Variants in MGAT4A observed in about 807,000 individuals in gnomAD.
The protein encoded by MGAT4A is N-acetylglucosaminyltransferase IVa.
MGAT4A carries 33 observed loss-of-function variants against 74.1 expected under a neutral mutation model. The ratio of observed to expected loss-of-function variants is 0.45; its 90% CI spans 0.34 to 0.60. The LOEUF (loss-of-function observed/expected upper bound fraction) is 0.60. Among genes scored for constraint, MGAT4A ranks in the 20% least tolerant of loss-of-function variants. MGAT4A has a pLI of 0.02. For missense variants in MGAT4A, 479 were observed against 628.3 expected, an observed-to-expected ratio of 0.76 and a Z score of 2.54; for synonymous variants, 198 against 210.4, an observed-to-expected ratio of 0.94 and a Z score of 0.51.
At chr2:98,696,623 T>A (rs1702278943) in intron 2 of MGAT4A, among the ~76,000 whole-genome samples, 1 of 152,236 alleles carries the variant, frequency 6.6e-6, no homozygotes, top group Non-Finnish European at 1.5e-5. Context: ...TCTAAAAGTT[T>A]AGTCCTTTTC....
chr2:98,649,040 CA>C (rs1701537374), intron 8 of MGAT4A, among the ~76,000 whole-genome samples: 1 of 152,058 alleles, frequency 6.6e-6, no homozygotes, highest in Non-Finnish European at 1.5e-5. Context: ...CTCTGAAAAA[CA>C]AAAGAATGTT....
At chr2:98,645,682 T>C (rs941133097) in intron 8 of MGAT4A, 140 bp from the exon 9 acceptor site, 2 of 690,036 alleles carry the variant, frequency 2.9e-6, no homozygotes, top group Non-Finnish European at 4.3e-6. Flanking sequence ...AATATAAAGC[T>C]AGATATTATT....
At chr2:98,700,645 C>T (rs1010621952) in intron 2 of MGAT4A, among the ~76,000 whole-genome samples, 3 of 152,112 alleles carry the variant, frequency 2.0e-5, no homozygotes, top group African/African-American at 7.2e-5. Flanking sequence ...AATCCCAGCA[C>T]TTTGGAAGGC....
At chr2:98,662,088 G>A (rs1353701084) in intron 5 of MGAT4A, among the ~76,000 whole-genome samples, 3 of 152,170 alleles carry the variant, frequency 2.0e-5, no homozygotes, top group African/African-American at 7.2e-5. Context: ...AGTGCATGCT[G>A]GAACAGAAAG....
chr2:98,712,150 C>T (rs1244766194), intron 2 of MGAT4A, among the ~76,000 whole-genome samples: 1 of 152,180 alleles, frequency 6.6e-6, no homozygotes, highest in East Asian at 1.9e-4. Context: ...TACACGTGCC[C>T]ACTCCTTGGT....
At chr2:98,691,785 G>A (rs2104303180) in intron 2 of MGAT4A, among the ~76,000 whole-genome samples, 1 of 152,298 alleles carries the variant, frequency 6.6e-6, no homozygotes, top group East Asian at 1.9e-4. Context: ...CATGGGAGAT[G>A]ACAGCTTCAT....
intron 10 of MGAT4A, among the ~76,000 whole-genome samples, chr2:98,642,158 GAGAA>G (rs1211817140): frequency 6.6e-6 from 1 of 152,148 alleles, no homozygotes; most frequent in African/African-American, 2.4e-5. Flanking sequence ...CAAGTGGAAG[GAGAA>G]AGAAAGGGAG....
At chr2:98,665,654 G>A (rs1701819201) in intron 4 of MGAT4A, among the ~76,000 whole-genome samples, 1 of 152,246 alleles carries the variant, frequency 6.6e-6, no homozygotes, top group Non-Finnish European at 1.5e-5. Flanking sequence ...CTCATGGAAC[G>A]CACATTCTAG....
intron 5 of MGAT4A, among the ~76,000 whole-genome samples, chr2:98,660,406 A>ACG (rs1350106095): frequency 7.4e-5 from 10 of 134,814 alleles, no homozygotes; most frequent in South Asian, 4.6e-4. Flanking sequence ...ACACACACAC[A>ACG]CACACGCACG....
intron 8 of MGAT4A, among the ~76,000 whole-genome samples, chr2:98,652,439 T>A (rs1215676399): frequency 1.5e-4 from 22 of 150,682 alleles, no homozygotes; most frequent in Admixed American, 1.5e-3. Context: ...CACGCCATTC[T>A]CCTGCCTCAG....
chr2:98,719,944 G>C (rs1702643920), intron 2 of MGAT4A, among the ~76,000 whole-genome samples: 1 of 152,132 alleles, frequency 6.6e-6, no homozygotes, highest in African/African-American at 2.4e-5. Context: ...ACCATGCCCA[G>C]CCAGGATTTA....
intron 12 of MGAT4A, among the ~76,000 whole-genome samples, chr2:98,637,865 A>C (rs1002828810): frequency 6.6e-6 from 1 of 152,202 alleles, no homozygotes; most frequent in African/African-American, 2.4e-5. Context: ...CAAAATGCTC[A>C]GCCAGTCACA....
Position 98,645,491 on chromosome 2 carries a change from A to G in MGAT4A, c.826T>C (p.Phe276Leu). Residue 276 changes from phenylalanine (F) to leucine (L), a missense_variant, in exon 9 of 16, where the codon TTT (phenylalanine) becomes CTT (leucine). Physicochemically the swap from Phe to Leu is conservative, Grantham distance 22 (BLOSUM62 0). Transcript: ENST00000393487. ...TCCTCAGAAGAAAGTTGAAGTGCAA[A>G]ATTTTTTATGGTATTAAAATAATTT... The part of the protein sequence containing the change: ...KQNYFNTIKN[F>L]ALQLSSEEWM... 6.3e-7 allele frequency: 1 copy of G among 1,593,192 alleles called. No homozygotes were observed. Among genetic ancestry groups the G allele is most frequent in the Non-Finnish European group, 8.5e-7 (1 of 1,175,174 alleles).
At chr2:98,672,658 AC>A (rs1186231410) in intron 4 of MGAT4A, among the ~76,000 whole-genome samples, 2 of 152,252 alleles carry the variant, frequency 1.3e-5, no homozygotes, top group East Asian at 1.9e-4. Context: ...GAACATTAAA[AC>A]TTTTGTCTAC....
intron 4 of MGAT4A, among the ~76,000 whole-genome samples, chr2:98,664,326 T>G (rs1346909935): frequency 6.6e-6 from 1 of 151,632 alleles, no homozygotes; most frequent in African/African-American, 2.4e-5. Context: ...AATTTGTTTC[T>G]ACATGATTAA....
At chr2:98,675,988 T>G (rs575126402) in intron 3 of MGAT4A, among the ~76,000 whole-genome samples, 8 of 152,342 alleles carry the variant, frequency 5.3e-5, no homozygotes, top group African/African-American at 1.9e-4. Context: ...TCAAATAGTT[T>G]CATTTTTTTT....
intron 5 of MGAT4A, among the ~76,000 whole-genome samples, chr2:98,661,205 T>C (rs1171835623): frequency 6.6e-6 from 1 of 151,954 alleles, no homozygotes; most frequent in Non-Finnish European, 1.5e-5. Context: ...AAAACCACAA[T>C]CAGATATCAT....
chr2:98,645,366 G>C (rs1575248046), intron 9 of MGAT4A, 62 bp downstream of exon 9: 1 of 1,270,516 alleles, frequency 7.9e-7, no homozygotes, highest in East Asian at 2.5e-5. Context: ...TAGCTACTTG[G>C]TTTTAGATTC....
chr2:98,643,150 T>C (rs1038268480), intron 10 of MGAT4A, among the ~76,000 whole-genome samples: 2 of 152,172 alleles, frequency 1.3e-5, no homozygotes, highest in African/African-American at 4.8e-5. Flanking sequence ...ACAATTCAAA[T>C]TGGACAAGGA....
Sources: gnomAD v4.1 joint callset for allele counts (sites outside exome capture counted in the v4.1 genomes callset) on GRCh38, gnomAD v4.1.1 for gene constraint, MANE v1.5 for transcripts, NCBI Gene and HGNC (gene_info 2026-07-23, HGNC 2026-07-21) for gene names.